FOXRED2: variants seen among roughly 807,000 people sequenced by gnomAD.
The protein encoded by FOXRED2 is FAD dependent oxidoreductase domain containing 2, also known as FAD-dependent oxidoreductase domain-containing protein 2.
In FOXRED2, 32 loss-of-function variants were observed where a neutral mutation model predicts 52.5. That is an observed-to-expected ratio of 0.61 (90% CI 0.46 to 0.82). FOXRED2 has a LOEUF of 0.82. Ranked by LOEUF, FOXRED2 falls within the 40% of genes least tolerant of loss-of-function variation. The pLI is 0.00. For synonymous variants in FOXRED2, 405 were observed against 398.1 expected (o/e 1.02, Z -0.21); for missense variants, 848 against 937.5 (o/e 0.90, Z 1.25).
chr22:36,501,193 G>C, intron 5 of FOXRED2, 48 bp downstream of exon 5: 1 of 1,592,176 alleles, frequency 6.3e-7, no homozygotes, highest in Middle Eastern at 2.1e-4. Context: ...CTGGGATGCT[G>C]AGAGTGGTTC....
At chr22:36,503,976 C>T (rs1413868194) in intron 4 of FOXRED2, 122 bp downstream of exon 4, 1 of 1,084,156 alleles carries the variant, frequency 9.2e-7, no homozygotes, top group Non-Finnish European at 1.3e-6. Flanking sequence ...GCACTCACAT[C>T]CATTCTTTGG....
At chr22:36,506,466 G>A (rs951258339) in intron 1 of FOXRED2, 43 bp from the exon 2 acceptor site, 45 of 1,413,498 alleles carry the variant, frequency 3.2e-5, no homozygotes, top group Non-Finnish European at 4.0e-5. Context: ...CCGGCCCGGC[G>A]GCTGGGAGAC....
At chr22:36,491,671 C>T (rs1933760672) in intron 8 of FOXRED2, among the ~76,000 whole-genome samples, 1 of 152,138 alleles carries the variant, frequency 6.6e-6, no homozygotes, top group Non-Finnish European at 1.5e-5. Context: ...TCCCAAAGTG[C>T]TGGGATTACA....
In FOXRED2 at chr22:36,488,065, C is replaced by T. The variant is rs1933649420; in HGVS notation, c.*1943G>A. 1.3e-5 allele frequency: 2 copies of T among 149,010 alleles called. No homozygotes were observed. Among genetic ancestry groups the T allele is most frequent in the South Asian group, 2.1e-4 (1 of 4,730 alleles). The allele number at this position is 149,010 out of a possible 1,614,324, so 9.2% of individuals were successfully genotyped here. On this transcript the variant is annotated 3_prime_UTR_variant, in exon 9 of 9. Coordinates refer to ENST00000397224, the MANE Select transcript of FOXRED2 (RefSeq NM_001102371.2). Reference sequence around the variant, plus strand: ...CGACATCGTGCCATTGCACTCCAGCCTGGGTGACAAGAGCGAAATCCATTG... The same window carrying T: ...CGACATCGTGCCATTGCACTCCAGCTTGGGTGACAAGAGCGAAATCCATTG...
chr22:36,503,737 G>A (rs573246288), intron 4 of FOXRED2, among the ~76,000 whole-genome samples: 2 of 152,338 alleles, frequency 1.3e-5, no homozygotes, highest in South Asian at 4.1e-4. Context: ...CACAGATTTG[G>A]CAAGCAGAGA....
chr22:36,490,058 C>G lies in FOXRED2; in HGVS notation c.2005G>C (p.Ala669Pro), dbSNP rs756044869. The change falls in exon 9 of 9, where the codon GCT becomes CCT. Residue 669 changes from alanine (A) to proline (P), a missense_variant. Transcript: ENST00000397224. ...GDQEPLGSPL[A>P]PGPLAQSVDS... Reference sequence around the variant, plus strand: ...ACGGACTGAGCCAGAGGCCCTGGAGCCAGGGGGGAACCTAGTGGCTCTTGG... The same window carrying G: ...ACGGACTGAGCCAGAGGCCCTGGAGGCAGGGGGGAACCTAGTGGCTCTTGG... 6.2e-7 allele frequency: 1 copy of G among 1,611,594 alleles called. No homozygotes were observed. The highest frequency in any genetic ancestry group is 8.5e-7 in the Non-Finnish European group (1 of 1,178,242).
At chr22:36,492,410 G>A (rs867451731) in intron 8 of FOXRED2, among the ~76,000 whole-genome samples, 7 of 152,354 alleles carry the variant, frequency 4.6e-5, no homozygotes, top group Middle Eastern at 6.8e-3. Context: ...CAGTCAAACA[G>A]TGTCTAGAAA....
At chr22:36,506,728 C>T (rs1043821527) in intron 1 of FOXRED2, 12 of 338,248 alleles carry the variant, frequency 3.5e-5, no homozygotes, top group African/African-American at 2.6e-4. Flanking sequence ...CCAATTTTCC[C>T]CTAATTTGAG....
At chr22:36,490,465 G>A (rs1237906747) in intron 8 of FOXRED2, among the ~76,000 whole-genome samples, 198 bp from the exon 9 acceptor site, 1 of 152,232 alleles carries the variant, frequency 6.6e-6, no homozygotes, top group East Asian at 1.9e-4. Context: ...GACCCTCCAC[G>A]AGGCTCCAGG....
rs368370906 is a variant in FOXRED2 at position 36,487,411 on chromosome 22, G to C, written c.*2597C>G. 38 of 152,362 alleles carry C rather than the reference G, an allele frequency of 2.5e-4. No individual in the cohort carries two copies. Among genetic ancestry groups the C allele is most frequent in the African/African-American group, 8.7e-4 (36 of 41,544 alleles). 9.4% of individuals were successfully genotyped at this position (152,362 alleles called of 1,614,324 possible). A position where few individuals can be genotyped will look rare whatever the true frequency, so the allele number is the denominator to read the frequency against. On this transcript the variant is annotated 3_prime_UTR_variant, in exon 9 of 9. Coordinates refer to ENST00000397224, the MANE Select transcript of FOXRED2 (RefSeq NM_001102371.2). ...AGCAGGGGTATAAGCCAGAGTGGTG[G>C]GGTGAGAAGTTTAGACAGGAAAGAT...
chr22:36,498,924 T>C (rs73411723), intron 5 of FOXRED2, among the ~76,000 whole-genome samples: 93 of 151,960 alleles, frequency 6.1e-4, no homozygotes, highest in African/African-American at 2.1e-3. Flanking sequence ...AAAGTCCACC[T>C]TACCGTCTTC....
At chr22:36,500,660 C>T (rs375394754) in intron 5 of FOXRED2, among the ~76,000 whole-genome samples, 5 of 150,222 alleles carry the variant, frequency 3.3e-5, no homozygotes, top group African/African-American at 4.9e-5. Flanking sequence ...CTCAGCTCAC[C>T]GCAACCTCCA....
intron 3 of FOXRED2, 43 bp from the exon 4 acceptor site, chr22:36,504,410 G>T (rs757184240): frequency 6.8e-6 from 11 of 1,610,278 alleles, no homozygotes; most frequent in Non-Finnish European, 9.3e-6. Context: ...TCAGAGGAAA[G>T]CTGGGCAGTG....
chr22:36,494,777 C>T (rs1230005685), intron 7 of FOXRED2, among the ~76,000 whole-genome samples: 19 of 151,528 alleles, frequency 1.3e-4, no homozygotes, highest in Non-Finnish European at 2.4e-4. Context: ...GTAGCTGGGA[C>T]TACAGGCGCA....
In FOXRED2 at chr22:36,488,305, C is replaced by A. The variant is rs1481588952; in HGVS notation, c.*1703G>T. The stretch of plus-strand genomic sequence containing the variant: ...TGTGGGTCTTGCTTTGTCACCTAGG[C>A]TGGAGTACAGTGGCTCGGTCTCTGC... On this transcript the variant is annotated 3_prime_UTR_variant, in exon 9 of 9. Transcript: ENST00000397224. 1 of 152,112 alleles carries A rather than the reference C, an allele frequency of 6.6e-6. No homozygotes were observed. Among genetic ancestry groups the A allele is most frequent in the Non-Finnish European group, 1.5e-5 (1 of 68,066 alleles). The allele number at this position is 152,112 out of a possible 1,614,324, so 9.4% of individuals were successfully genotyped here.
chr22:36,501,110 G>A lies in FOXRED2; in HGVS notation c.1216+131C>T, dbSNP rs913769879. The A allele has an allele frequency of 7.3e-6, 7 of 962,752 alleles. No homozygotes were observed. The African/African-American group carries it at 1.1e-4, about 16-fold the overall frequency. The allele number at this position is 962,752 out of a possible 1,614,324, so 59.6% of individuals were successfully genotyped here. ...CAAAAACCTGTTGTCACTTCCCCAAGACAATTTATGACAATGAGCTACTGA... is the reference window on the plus strand; with the variant it reads ...CAAAAACCTGTTGTCACTTCCCCAAAACAATTTATGACAATGAGCTACTGA... On this transcript the variant is annotated intron_variant, in intron 5 of 8. Coordinates refer to ENST00000397224, the MANE Select transcript of FOXRED2 (RefSeq NM_001102371.2).
intron 6 of FOXRED2, among the ~76,000 whole-genome samples, chr22:36,496,633 G>A (rs1933906968): frequency 6.6e-6 from 1 of 152,206 alleles, no homozygotes; most frequent in African/African-American, 2.4e-5. Flanking sequence ...GGCCCGAGAG[G>A]TGACACTGCT....
chr22:36,491,982 C>T (rs568755243), intron 8 of FOXRED2, among the ~76,000 whole-genome samples: 1 of 152,066 alleles, frequency 6.6e-6, no homozygotes. Context: ...TTCTTGCCTC[C>T]CTGAGCCCCT....
chr22:36,506,577 A>C lies in FOXRED2; in HGVS notation c.-1-154T>G, dbSNP rs1934206737. 1.0e-5 allele frequency: 7 copies of C among 694,536 alleles called. No homozygotes were observed. In the East Asian group the frequency reaches 2.1e-4, roughly 21 times the overall value. 43.0% of individuals were successfully genotyped at this position (694,536 alleles called of 1,614,324 possible). A position where few individuals can be genotyped will look rare whatever the true frequency, so the allele number is the denominator to read the frequency against. On this transcript the variant is annotated intron_variant, in intron 1 of 8. Transcript: ENST00000397224. ...CTCAGAGCTCATTTGCCCGGACTCCACCGTTTCAAGCTGGGACTTGGGGCT... is the reference window on the plus strand; with the variant it reads ...CTCAGAGCTCATTTGCCCGGACTCCCCCGTTTCAAGCTGGGACTTGGGGCT...
Sources: allele counts gnomAD v4.1 joint callset (sites outside exome capture counted in the v4.1 genomes callset), GRCh38; gene constraint gnomAD v4.1.1; transcripts MANE v1.5; gene names NCBI Gene and HGNC (gene_info 2026-07-23, HGNC 2026-07-21).